PKN2: variants seen among roughly 807,000 people sequenced by gnomAD.
PKN2 encodes serine/threonine-protein kinase N2.
A neutral mutation model predicts 119.1 loss-of-function variants in PKN2; 38 were observed. The observed-to-expected ratio is 0.32, with a 90% CI of 0.25 to 0.42. The LOEUF is 0.42. Among genes scored for constraint, PKN2 ranks in the 10% least tolerant of loss-of-function variants. PKN2 has a pLI of 1.00. For synonymous variants in PKN2, 390 were observed against 384.9 expected, an observed-to-expected ratio of 1.01 and a Z score of -0.15; for missense variants, 850 against 1,165.1, an observed-to-expected ratio of 0.73 and a Z score of 3.94.
intron 1 of PKN2, among the ~76,000 whole-genome samples, chr1:88,732,219 G>C (rs1668168670): frequency 6.6e-6 from 1 of 151,832 alleles, no homozygotes; most frequent in African/African-American, 2.4e-5. Flanking sequence ...TGGTTCTTTT[G>C]GTTTCTTTTA....
chr1:88,718,883 C>T (rs1667559643), intron 1 of PKN2, among the ~76,000 whole-genome samples: 1 of 152,060 alleles, frequency 6.6e-6, no homozygotes, highest in African/African-American at 2.4e-5. Context: ...GTAATAAAAA[C>T]ACTGTTGTAT....
chr1:88,769,591 GTATA>G (rs925612421), intron 3 of PKN2, among the ~76,000 whole-genome samples: 30 of 152,106 alleles, frequency 2.0e-4, no homozygotes, highest in African/African-American at 6.3e-4. Flanking sequence ...ATTGTGCGAT[GTATA>G]TATATATGTA....
At chr1:88,830,844 A>C (rs941810115) in intron 19 of PKN2, among the ~76,000 whole-genome samples, 3 of 152,120 alleles carry the variant, frequency 2.0e-5, no homozygotes, top group Admixed American at 2.0e-4. Flanking sequence ...AACTAAACTT[A>C]AAACTCATCA....
rs561084314 is a variant in PKN2 at position 88,790,981 on chromosome 1, C to T, written c.1281+4768C>T. 2.6e-5 allele frequency among the ~76,000 whole-genome samples: 4 copies of T among 151,780 alleles called. No homozygotes were observed. In the South Asian group the frequency reaches 8.3e-4, roughly 32 times the overall value. On this transcript the variant is annotated intron_variant, in intron 8 of 21. Coordinates refer to ENST00000370521, the MANE Select transcript of PKN2 (RefSeq NM_006256.4). ...TGTTTTTCTCTCATGGAGATAATAC[C>T]ATCTCTTAAAACTGAGAATATCAGT...
chr1:88,788,082 C>G (rs1014314665), intron 8 of PKN2, among the ~76,000 whole-genome samples: 2 of 152,126 alleles, frequency 1.3e-5, no homozygotes, highest in African/African-American at 4.8e-5. Flanking sequence ...CAGCATTTTG[C>G]CTCATATGTC....
chr1:88,700,912 C>T (rs771727709), intron 1 of PKN2, among the ~76,000 whole-genome samples: 2 of 151,982 alleles, frequency 1.3e-5, no homozygotes, highest in Non-Finnish European at 2.9e-5. Context: ...ATTTTTTCTG[C>T]TTTTATTTTG....
intron 2 of PKN2, among the ~76,000 whole-genome samples, chr1:88,753,226 T>A (rs908112669): frequency 7.2e-5 from 11 of 152,208 alleles, no homozygotes; most frequent in African/African-American, 2.7e-4. Context: ...AAGCACTTCA[T>A]GACTTTTTTA....
intron 15 of PKN2, among the ~76,000 whole-genome samples, chr1:88,810,221 A>G (rs2100887562): frequency 6.6e-6 from 1 of 152,082 alleles, no homozygotes; most frequent in African/African-American, 2.4e-5. Context: ...TTCAGGTTCA[A>G]GTGATTCTTT....
At chr1:88,756,262 A>G (rs536236201) in intron 2 of PKN2, among the ~76,000 whole-genome samples, 1 of 152,308 alleles carries the variant, frequency 6.6e-6, no homozygotes, top group South Asian at 2.1e-4. Flanking sequence ...TATCTCTAAC[A>G]AATTGTAATC....
rs1671457132 is a variant in PKN2 at position 88,804,552 on chromosome 1, T to C, written c.1425+18T>C. 6.2e-7 allele frequency: 1 copy of C among 1,601,290 alleles called. No homozygotes were observed. Among genetic ancestry groups the C allele is most frequent in the Non-Finnish European group, 8.6e-7 (1 of 1,169,294 alleles). On this transcript the variant is annotated intron_variant, in intron 9 of 21. Coordinates refer to ENST00000370521, the MANE Select transcript of PKN2 (RefSeq NM_006256.4). ...TTGCAGAGGTAATAAATGTATTTTA[T>C]TAAATGTGCATAACTACAATTGAAA...
intron 1 of PKN2, among the ~76,000 whole-genome samples, chr1:88,687,282 T>C (rs1487958671): frequency 6.6e-6 from 1 of 152,158 alleles, no homozygotes; most frequent in Non-Finnish European, 1.5e-5. Flanking sequence ...ATTAATAAAC[T>C]ATGTAAACTT....
At chr1:88,685,014 C>A (rs977677982) in intron 1 of PKN2, 8 of 206,458 alleles carry the variant, frequency 3.9e-5, no homozygotes, top group Middle Eastern at 1.6e-3. Context: ...CGGGCCCCGC[C>A]CCGCCTTTCC....
chr1:88,698,355 G>T (rs948970585), intron 1 of PKN2, among the ~76,000 whole-genome samples: 1 of 152,064 alleles, frequency 6.6e-6, no homozygotes, highest in Non-Finnish European at 1.5e-5. Context: ...TACAATGAAC[G>T]ATGACTCATG....
At chr1:88,734,526 G>A (rs139162314) in intron 1 of PKN2, among the ~76,000 whole-genome samples, 241 of 152,194 alleles carry the variant, frequency 1.6e-3, no homozygotes, top group Non-Finnish European at 2.9e-3. Context: ...ATTTATTTCT[G>A]GACTGTCTTC....
intron 8 of PKN2, among the ~76,000 whole-genome samples, chr1:88,789,207 A>G (rs534630960): frequency 3.2e-4 from 48 of 152,338 alleles, no homozygotes; most frequent in Middle Eastern, 3.4e-3. Flanking sequence ...TGGGATTGTC[A>G]TATCAGTGGA....
At chr1:88,732,169 T>C (rs1448933661) in intron 1 of PKN2, among the ~76,000 whole-genome samples, 1 of 152,158 alleles carries the variant, frequency 6.6e-6, no homozygotes, top group Admixed American at 6.5e-5. Flanking sequence ...ATTATAAGCT[T>C]TTACATTTTC....
chr1:88,702,983 G>T (rs556476717), intron 1 of PKN2, among the ~76,000 whole-genome samples: 2 of 152,258 alleles, frequency 1.3e-5, no homozygotes, highest in South Asian at 4.1e-4. Flanking sequence ...TAAAGTCCCT[G>T]TTAAAGTGTC....
intron 1 of PKN2, among the ~76,000 whole-genome samples, chr1:88,685,558 C>T (rs1464386101): frequency 2.0e-5 from 3 of 152,180 alleles, no homozygotes; most frequent in Non-Finnish European, 2.9e-5. Context: ...TTCTTTAGAT[C>T]TCTATGGTGT....
At chr1:88,753,333 T>C (rs540894166) in intron 2 of PKN2, among the ~76,000 whole-genome samples, 43 of 152,350 alleles carry the variant, frequency 2.8e-4, no homozygotes, top group African/African-American at 1.0e-3. Context: ...GAATCACTTT[T>C]CTTCTTCCCA....
Sources: allele counts gnomAD v4.1 joint callset (sites outside exome capture counted in the v4.1 genomes callset), GRCh38; gene constraint gnomAD v4.1.1; transcripts MANE v1.5; gene names NCBI Gene and HGNC (gene_info 2026-07-23, HGNC 2026-07-21).